The following ANKRD29 variants were observed in gnomAD, a reference collection of about 807,000 sequenced individuals.
ANKRD29 encodes the protein ankyrin repeat domain 29, also known as ankyrin repeat domain-containing protein 29.
ANKRD29 carries 32 observed loss-of-function variants against 38.0 expected under a neutral mutation model. The observed-to-expected ratio is 0.84, with a 90% confidence interval of 0.64 to 1.13. The LOEUF is 1.13. Among genes scored for constraint, ANKRD29 ranks in the 50% most tolerant of loss-of-function variants. The pLI, the probability that ANKRD29 is intolerant of heterozygous loss-of-function variation, is 0.00. For synonymous variants in ANKRD29, 135 were observed against 152.4 expected (o/e 0.89, Z 0.84); for missense variants, 357 against 377.9 (o/e 0.94, Z 0.46).
intron 9 of ANKRD29, among the ~76,000 whole-genome samples, chr18:23,607,770 G>A (rs776027491): frequency 6.6e-5 from 10 of 152,278 alleles, no homozygotes; most frequent in Non-Finnish European, 1.3e-4. Context: ...CGTTCATTAT[G>A]GAGCAGGAGC....
chr18:23,614,131 C>A (rs1424248557), intron 8 of ANKRD29, among the ~76,000 whole-genome samples: 1 of 150,408 alleles, frequency 6.6e-6, no homozygotes, highest in African/African-American at 2.4e-5. Context: ...AGTGCAGTGG[C>A]GTGATCTCGG....
intron 1 of ANKRD29, 164 bp from the exon 2 acceptor site, chr18:23,649,357 CTG>C: frequency 1.4e-6 from 1 of 709,474 alleles, no homozygotes; most frequent in South Asian, 1.6e-5. Flanking sequence ...AGAATGAACT[CTG>C]TTGGATTCCA....
intron 7 of ANKRD29, among the ~76,000 whole-genome samples, chr18:23,618,106 A>G (rs2059747114): frequency 1.3e-5 from 2 of 152,242 alleles, no homozygotes; most frequent in African/African-American, 2.4e-5. Context: ...GGCAGGGGAC[A>G]AGGGGAATTT....
At chr18:23,650,423 C>T (rs1212045193) in intron 1 of ANKRD29, among the ~76,000 whole-genome samples, 2 of 152,148 alleles carry the variant, frequency 1.3e-5, no homozygotes, top group East Asian at 1.9e-4. Context: ...GGATTACAGG[C>T]GTGAGCCACT....
intron 1 of ANKRD29, among the ~76,000 whole-genome samples, chr18:23,658,723 G>A (rs531922553): frequency 6.6e-5 from 10 of 152,252 alleles, no homozygotes; most frequent in Admixed American, 5.9e-4. Flanking sequence ...AGCAGTCTTC[G>A]GGAGTCAATT....
chr18:23,603,634 CACAA>C (rs902326549), intron 9 of ANKRD29, among the ~76,000 whole-genome samples: 12 of 152,136 alleles, frequency 7.9e-5, no homozygotes, highest in African/African-American at 2.4e-4. Flanking sequence ...GACTCCATCT[CACAA>C]ACAAACAAAC....
chr18:23,646,384 A>T, intron 2 of ANKRD29, 97 bp from the exon 3 acceptor site: 1 of 1,083,116 alleles, frequency 9.2e-7, no homozygotes, highest in East Asian at 2.5e-5. Context: ...TCCACTCAGA[A>T]CACATCCAAG....
chr18:23,612,154 C>A lies in ANKRD29; in HGVS notation c.760G>T (p.Gly254Ter). 2 of 1,614,040 alleles carry A rather than the reference C, an allele frequency of 1.2e-6. No individual in the cohort carries two copies. The highest frequency in any genetic ancestry group is 1.1e-5 in the South Asian group (1 of 91,046). The change falls in exon 9 of 10, where the codon GGA becomes TGA. Residue 254 changes from glycine (G) to a stop codon, truncating the protein, a stop_gained. Coordinates refer to ENST00000592179, the MANE Select transcript of ANKRD29 (RefSeq NM_173505.4). LOFTEE classifies it high-confidence loss of function. Reference sequence around the variant, plus strand: ...AGCAGCGCAACTGTTTTAATGTTTCCACTGAGCACTGCTGCATGGAGCGCT... The same window carrying A: ...AGCAGCGCAACTGTTTTAATGTTTCAACTGAGCACTGCTGCATGGAGCGCT... ...TSALHAAVLS[G>*]NIKTVALLLE... is the part of the protein sequence containing the mutation.
chr18:23,628,952 C>T (rs2059895117), intron 6 of ANKRD29, among the ~76,000 whole-genome samples: 1 of 151,850 alleles, frequency 6.6e-6, no homozygotes, highest in East Asian at 1.9e-4. Context: ...CCTGTATAAT[C>T]TTGCATTTCT....
In ANKRD29 at chr18:23,615,656, C is replaced by A. The variant is rs2059701221; in HGVS notation, c.723+2076G>T. Among the ~76,000 whole-genome samples, 3 of 151,980 alleles carry A rather than the reference C, an allele frequency of 2.0e-5. No individual in the cohort carries two copies. The South Asian group carries it at 6.2e-4, about 31-fold the overall frequency. On this transcript the variant is annotated intron_variant, in intron 8 of 9. Transcript: ENST00000592179. ...GGAACTCTTGGATTCAAGCGATCCA[C>A]CTGCCTCAGCCTCCCAAAGTGCTGG...
chr18:23,653,150 T>C (rs550819565), intron 1 of ANKRD29, among the ~76,000 whole-genome samples: 3 of 152,372 alleles, frequency 2.0e-5, no homozygotes, highest in Admixed American at 6.5e-5. Flanking sequence ...CTGTAGTAAG[T>C]GCACTCTATG....
intron 9 of ANKRD29, among the ~76,000 whole-genome samples, chr18:23,608,323 A>C (rs2059597716): frequency 6.6e-6 from 1 of 152,142 alleles, no homozygotes; most frequent in Non-Finnish European, 1.5e-5. Flanking sequence ...GCTTCTATGG[A>C]GTGGCTGGTA....
At chr18:23,645,261 A>G (rs1231429425) in intron 3 of ANKRD29, among the ~76,000 whole-genome samples, 1 of 152,162 alleles carries the variant, frequency 6.6e-6, no homozygotes, top group Non-Finnish European at 1.5e-5. Context: ...TTGGAAATAT[A>G]TGGATGGAGC....
intron 3 of ANKRD29, among the ~76,000 whole-genome samples, chr18:23,643,719 C>T (rs1485544127): frequency 6.6e-6 from 1 of 152,220 alleles, no homozygotes; most frequent in Non-Finnish European, 1.5e-5. Context: ...GTGTCATCAG[C>T]CAATTGTGGG....
chr18:23,634,140 T>G lies in ANKRD29; in HGVS notation c.340A>C (p.Thr114Pro), dbSNP rs1300099253. The change falls in exon 5 of 10, where the codon ACC becomes CCC. Residue 114 changes from threonine to proline, a missense_variant. Coordinates refer to ENST00000592179, the MANE Select transcript of ANKRD29 (RefSeq NM_173505.4). ...STEFRTKDGG[T>P]ALLAASQYGH... is the part of the protein sequence containing the mutation. ...TACTGACTGGCAGCCAACAGGGCGG[T>G]GCCCCCGTCCTATGGACATGCAAAG... 1 of 1,614,060 alleles carries G rather than the reference T, an allele frequency of 6.2e-7. No individual in the cohort carries two copies. The highest frequency in any genetic ancestry group is 1.3e-5 in the African/African-American group (1 of 74,928).
chr18:23,660,259 T>A (rs764621523), intron 1 of ANKRD29, among the ~76,000 whole-genome samples: 4 of 152,228 alleles, frequency 2.6e-5, no homozygotes, highest in Non-Finnish European at 4.4e-5. Flanking sequence ...TGAAGTGGTA[T>A]CTCATTACAG....
In ANKRD29 at chr18:23,662,822, C is replaced by G. The variant is rs1184010347; in HGVS notation, c.-92G>C. On this transcript the variant is annotated 5_prime_UTR_variant, in exon 1 of 10. Coordinates refer to ENST00000592179, the MANE Select transcript of ANKRD29 (RefSeq NM_173505.4). The stretch of plus-strand genomic sequence containing the variant: ...TCACTCTCCCGGGGCTCTCGGCGTT[C>G]CGCAGAGGGGCGGCCTCCGACGCCG... The G allele has an allele frequency of 8.6e-7, 1 of 1,166,136 alleles. No individual in the cohort carries two copies. The highest frequency in any genetic ancestry group is 1.1e-6 in the Non-Finnish European group (1 of 936,138). The allele number at this position is 1,166,136 out of a possible 1,614,324, so 72.2% of individuals were successfully genotyped here.
chr18:23,638,742 T>A, intron 4 of ANKRD29, 107 bp downstream of exon 4: 1 of 907,190 alleles, frequency 1.1e-6, no homozygotes, highest in Non-Finnish European at 1.6e-6. Context: ...GGTTTGAGAA[T>A]CTTGTAAAAA....
At chr18:23,631,548 C>T (rs972657342) in intron 5 of ANKRD29, among the ~76,000 whole-genome samples, 5 of 152,082 alleles carry the variant, frequency 3.3e-5, no homozygotes, top group Non-Finnish European at 7.4e-5. Context: ...ATCCAGATGA[C>T]CCTGTCTCTA....
Sources: gnomAD v4.1 joint callset for allele counts (sites outside exome capture counted in the v4.1 genomes callset) on GRCh38, gnomAD v4.1.1 for gene constraint, MANE v1.5 for transcripts, NCBI Gene and HGNC (gene_info 2026-07-23, HGNC 2026-07-21) for gene names.